The following FKBP6 variants were observed in gnomAD, a reference collection of about 807,000 sequenced individuals.
FKBP6 encodes the protein inactive peptidyl-prolyl cis-trans isomerase FKBP6.
FKBP6 carries 29 observed loss-of-function variants against 41.7 expected under a neutral mutation model. That is an observed-to-expected ratio of 0.70 (90% CI 0.52 to 0.95). The LOEUF is 0.95. Among genes scored for constraint, FKBP6 ranks in the 40% least tolerant of loss-of-function variants. The pLI, the probability that FKBP6 is intolerant of heterozygous loss-of-function variation, is 0.00. For missense variants in FKBP6, 338 were observed against 408.7 expected, an observed-to-expected ratio of 0.83 and a Z score of 1.49; for synonymous variants, 130 against 165.1, an observed-to-expected ratio of 0.79 and a Z score of 1.63.
chr7:73,340,576 T>C, intron 5 of FKBP6, 62 bp from the exon 6 acceptor site: 1 of 1,400,340 alleles, frequency 7.1e-7, no homozygotes. Flanking sequence ...GCGTGTGGAT[T>C]CTTTAGGGTT....
intron 5 of FKBP6, among the ~76,000 whole-genome samples, chr7:73,334,163 G>A (rs746519191): frequency 7.4e-4 from 112 of 152,180 alleles, no homozygotes; most frequent in Non-Finnish European, 1.2e-3. Flanking sequence ...TCCTTTCTAC[G>A]TGACCTGTTT....
At chr7:73,353,469 G>A (rs1164384687) in intron 8 of FKBP6, among the ~76,000 whole-genome samples, 2 of 152,158 alleles carry the variant, frequency 1.3e-5, no homozygotes, top group Admixed American at 6.5e-5. Context: ...TCCCAGATGA[G>A]ATCATCCTGA....
chr7:73,334,362 C>T (rs1804939216), intron 5 of FKBP6, among the ~76,000 whole-genome samples: 3 of 152,100 alleles, frequency 2.0e-5, no homozygotes, highest in Admixed American at 1.3e-4. Flanking sequence ...TATTATCAGA[C>T]CTCCTGCACT....
intron 8 of FKBP6, among the ~76,000 whole-genome samples, chr7:73,348,093 T>A (rs1236666249): frequency 6.6e-6 from 1 of 152,230 alleles, no homozygotes; most frequent in African/African-American, 2.4e-5. Context: ...TTAAATCACG[T>A]CTTCCTCGTT....
Position 73,330,178 on chromosome 7 carries a change from C to A in FKBP6, c.294C>A (p.Gly98=). The change falls in exon 4 of 9, where the codon GGC becomes GGA. Residue 98 remains glycine, a synonymous_variant. Coordinates refer to ENST00000252037, the MANE Select transcript of FKBP6 (RefSeq NM_003602.5). ...TTACACTGTGGGGCATGGAGCTGGG[C>A]CTTCTGAGCATGCGGAGAGGAGAGC... ...EDITLWGMEL[G]LLSMRRGELA... The A allele has an allele frequency of 6.2e-7, 1 of 1,613,856 alleles. No individual in the cohort carries two copies. Among genetic ancestry groups the A allele is most frequent in the Non-Finnish European group, 8.5e-7 (1 of 1,179,790 alleles).
chr7:73,353,311 G>A (rs549789480), intron 8 of FKBP6, among the ~76,000 whole-genome samples: 8 of 152,126 alleles, frequency 5.3e-5, no homozygotes, highest in Non-Finnish European at 8.8e-5. Context: ...CGTGGGTTCC[G>A]GGAATTGGAA....
chr7:73,351,908 C>T (rs79434099), intron 8 of FKBP6, among the ~76,000 whole-genome samples: 12,885 of 152,224 alleles, frequency 0.085, 707 homozygotes, highest in Non-Finnish European at 0.12. Context: ...CTTGCTATGA[C>T]ATTAGCCAAG....
In FKBP6 at chr7:73,331,648, G is replaced by T. The variant is rs376986071; in HGVS notation, c.469-9G>T. On this transcript the variant is annotated splice_polypyrimidine_tract_variant and intron_variant, in intron 4 of 8. Transcript: ENST00000252037. ...TTCCTTGCTGAATATTCCTGTCTCT[G>T]GTCCTCAGGAGCAGCAAGACCAATT... is the stretch of plus-strand genomic sequence containing the variant. 5 of 1,613,736 alleles carry T rather than the reference G, an allele frequency of 3.1e-6. No individual in the cohort carries two copies. The highest frequency in any genetic ancestry group is 1.3e-5 in the African/African-American group (1 of 74,890).
chr7:73,334,275 C>T (rs1192162698), intron 5 of FKBP6, among the ~76,000 whole-genome samples: 1 of 152,150 alleles, frequency 6.6e-6, no homozygotes, highest in Non-Finnish European at 1.5e-5. Flanking sequence ...AACTTTTCCT[C>T]CACTCTGGGA....
At chr7:73,328,874 T>A (rs1294412362) in intron 2 of FKBP6, among the ~76,000 whole-genome samples, 182 bp downstream of exon 2, 3 of 152,108 alleles carry the variant, frequency 2.0e-5, no homozygotes, top group Admixed American at 1.3e-4. Flanking sequence ...AGTGGTGCGA[T>A]CATAGCTCAC....
intron 2 of FKBP6, 114 bp from the exon 3 acceptor site, chr7:73,329,246 G>C (rs536039854): frequency 3.8e-6 from 3 of 794,132 alleles, no homozygotes; most frequent in Non-Finnish European, 6.9e-6. Flanking sequence ...TCGGGGTGTC[G>C]GGCAGCTTAA....
intron 5 of FKBP6, among the ~76,000 whole-genome samples, chr7:73,337,890 T>C (rs1362437738): frequency 2.6e-5 from 4 of 152,178 alleles, no homozygotes; most frequent in African/African-American, 9.7e-5. Flanking sequence ...TGTTCTCCTT[T>C]GTTTCTATGG....
chr7:73,354,858 G>A (rs1805584624), intron 8 of FKBP6, among the ~76,000 whole-genome samples: 1 of 152,182 alleles, frequency 6.6e-6, no homozygotes, highest in Non-Finnish European at 1.5e-5. Context: ...GTACAGGGAA[G>A]TGCTTGAGGC....
At chr7:73,354,013 A>G (rs1805562480) in intron 8 of FKBP6, among the ~76,000 whole-genome samples, 1 of 152,070 alleles carries the variant, frequency 6.6e-6, no homozygotes, top group African/African-American at 2.4e-5. Context: ...GTTTTTAAAC[A>G]AGCGTGGCAG....
Position 73,328,180 on chromosome 7 carries a change from C to G in FKBP6, c.-249C>G. The G allele has an allele frequency of 5.2e-6, 8 of 1,543,600 alleles. No homozygotes were observed. The highest frequency in any genetic ancestry group is 7.0e-6 in the Non-Finnish European group (8 of 1,142,236). On this transcript the variant is annotated 5_prime_UTR_variant, in exon 1 of 9. Transcript: ENST00000252037. Reference sequence around the variant, plus strand: ...TGTCCCATCATGTTTCGTGCGCTCCCATTACGGATCATACCTCGCACCTCA... The same window carrying G: ...TGTCCCATCATGTTTCGTGCGCTCCGATTACGGATCATACCTCGCACCTCA...
rs1805169708 is a variant in FKBP6 at position 73,341,135 on chromosome 7, G to C, written c.784-138G>C. 3.9e-6 allele frequency: 3 copies of C among 777,228 alleles called. No homozygotes were observed. The East Asian group carries it at 7.3e-5, about 19-fold the overall frequency. The allele number at this position is 777,228 out of a possible 1,614,324, so 48.1% of individuals were successfully genotyped here. ...GATAGGGTTTTGCCGTGTTGGCCAG[G>C]CTGGTCTGGAATCCCTGACCTCAGT... is the stretch of plus-strand genomic sequence containing the variant. On this transcript the variant is annotated intron_variant, in intron 6 of 8. Transcript: ENST00000252037.
intron 8 of FKBP6, among the ~76,000 whole-genome samples, chr7:73,347,179 G>T (rs4717755): frequency 0.16 from 23,985 of 152,058 alleles, 2,034 homozygotes; most frequent in Middle Eastern, 0.2. Flanking sequence ...CATTTATACT[G>T]TTTTCTTAGT....
At chr7:73,329,252 C>A in intron 2 of FKBP6, 108 bp from the exon 3 acceptor site, 2 of 807,918 alleles carry the variant, frequency 2.5e-6, no homozygotes, top group Non-Finnish European at 4.5e-6. Context: ...TGTCGGGCAG[C>A]TTAAGCTCAT....
chr7:73,336,991 T>A, intron 5 of FKBP6: 1 of 334,326 alleles, frequency 3.0e-6, no homozygotes, highest in South Asian at 2.3e-5. Flanking sequence ...AACCAAGGAA[T>A]AACTGGGAAA....
Sources: allele counts gnomAD v4.1 joint callset (sites outside exome capture counted in the v4.1 genomes callset), GRCh38; gene constraint gnomAD v4.1.1; transcripts MANE v1.5; gene names NCBI Gene and HGNC (gene_info 2026-07-23, HGNC 2026-07-21).